The following TRIP12 variants were observed in gnomAD, a reference collection of about 807,000 sequenced individuals.
TRIP12 encodes the protein thyroid hormone receptor interactor 12.
A neutral mutation model predicts 244.2 loss-of-function variants in TRIP12; 25 were observed. The observed-to-expected ratio is 0.10, with a 90% CI of 0.07 to 0.14. The LOEUF (loss-of-function observed/expected upper bound fraction) is 0.14. TRIP12 is among the 10% of genes least tolerant of loss of function. The pLI, the probability that TRIP12 is intolerant of heterozygous loss-of-function variation, is 1.00. For missense variants in TRIP12, 1,677 were observed against 2,486.4 expected (o/e 0.67, Z 6.92); for synonymous variants, 905 against 873.1 (o/e 1.04, Z -0.64).
At chr2:229,837,945 A>T (rs2055268296) in intron 5 of TRIP12, among the ~76,000 whole-genome samples, 1 of 152,206 alleles carries the variant, frequency 6.6e-6, no homozygotes, top group Admixed American at 6.5e-5. Flanking sequence ...CGAAATCAGT[A>T]AGCAAACCAG....
At chr2:229,848,211 G>C (rs1007169030) in intron 4 of TRIP12, among the ~76,000 whole-genome samples, 2 of 151,908 alleles carry the variant, frequency 1.3e-5, no homozygotes, top group Non-Finnish European at 2.9e-5. Context: ...TTAGACTTTT[G>C]GTCTTGAATT....
intron 2 of TRIP12, among the ~76,000 whole-genome samples, chr2:229,878,064 T>C (rs146185906): frequency 3.0e-4 from 46 of 152,344 alleles, no homozygotes; most frequent in African/African-American, 9.1e-4. Context: ...CCAATAATCC[T>C]ATGAAATAGC....
intron 29 of TRIP12, among the ~76,000 whole-genome samples, chr2:229,791,506 C>T (rs957961349): frequency 6.6e-6 from 1 of 152,212 alleles, no homozygotes; most frequent in Non-Finnish European, 1.5e-5. Flanking sequence ...CAGACACTCA[C>T]AGACAATGCA....
At position 229,865,511 on chromosome 2, in the gene TRIP12, C is replaced by T. The variant is rs553660705; in HGVS notation, c.99-4980G>A. ...TATGCATATATATAATATACACACA[C>T]ATTACCACTTATATTTGGTAATATA... On this transcript the variant is annotated intron_variant, in intron 2 of 41. Transcript: ENST00000675903. Among the ~76,000 whole-genome samples, 141 of 151,816 alleles carry T rather than the reference C, an allele frequency of 9.3e-4. 1 individual carries two copies. Among genetic ancestry groups the T allele is most frequent in the Non-Finnish European group, 1.8e-3 (123 of 67,930 alleles).
At chr2:229,809,541 C>T (rs2046744475) in intron 15 of TRIP12, among the ~76,000 whole-genome samples, 2 of 152,122 alleles carry the variant, frequency 1.3e-5, no homozygotes. Flanking sequence ...TGTAACAAAA[C>T]ATACATTAAC....
chr2:229,882,643 T>C (rs1428467116), intron 1 of TRIP12, among the ~76,000 whole-genome samples: 2 of 152,300 alleles, frequency 1.3e-5, no homozygotes, highest in East Asian at 1.9e-4. Flanking sequence ...TACAAGAGAA[T>C]AGGATGATAC....
intron 37 of TRIP12, among the ~76,000 whole-genome samples, 198 bp downstream of exon 37, chr2:229,777,117 G>T (rs1574819644): frequency 6.6e-6 from 1 of 152,214 alleles, no homozygotes; most frequent in Admixed American, 6.5e-5. Context: ...TGCTAATCAA[G>T]ATGTTTATAG....
chr2:229,779,783 G>C (rs1044668118), intron 34 of TRIP12, among the ~76,000 whole-genome samples: 4 of 152,116 alleles, frequency 2.6e-5, no homozygotes, highest in African/African-American at 9.7e-5. Flanking sequence ...TATTAAACAA[G>C]TTCTGAAGGT....
At chr2:229,831,434 C>T (rs377727241) in intron 6 of TRIP12, among the ~76,000 whole-genome samples, 1 of 152,122 alleles carries the variant, frequency 6.6e-6, no homozygotes, top group East Asian at 1.9e-4. Flanking sequence ...CAACACTTTG[C>T]GGACCATGGC....
chr2:229,779,671 T>C (rs2037455148), intron 34 of TRIP12, among the ~76,000 whole-genome samples: 1 of 152,108 alleles, frequency 6.6e-6, no homozygotes. Flanking sequence ...ACTCCCAGGG[T>C]GCACTGGAAT....
chr2:229,846,316 C>G (rs1430886890), intron 4 of TRIP12, among the ~76,000 whole-genome samples: 2 of 152,150 alleles, frequency 1.3e-5, no homozygotes, highest in Non-Finnish European at 2.9e-5. Flanking sequence ...TCACACCAAC[C>G]TTCAGCAACC....
intron 9 of TRIP12, among the ~76,000 whole-genome samples, chr2:229,817,328 G>C (rs2048747965): frequency 6.6e-6 from 1 of 152,110 alleles, no homozygotes; most frequent in African/African-American, 2.4e-5. Context: ...TTGTCTTTTG[G>C]TAGTGTTTGA....
At chr2:229,799,431 A>C in intron 21 of TRIP12, 48 bp from the exon 22 acceptor site, 9 of 1,522,530 alleles carry the variant, frequency 5.9e-6, no homozygotes, top group Non-Finnish European at 7.3e-6. Context: ...CCACTGTTTT[A>C]TATCTTCACT....
chr2:229,867,508 G>C (rs965357249), intron 2 of TRIP12, among the ~76,000 whole-genome samples: 1 of 151,902 alleles, frequency 6.6e-6, no homozygotes, highest in African/African-American at 2.4e-5. Flanking sequence ...ATGAGAAAAA[G>C]GGAGGAAAAC....
chr2:229,813,857 ATG>A lies in TRIP12; in HGVS notation c.1986+11_1986+12del, dbSNP rs1175728915. ...AAACACTTTATGGCACATAAAATAG[ATG>A]CATATTTTACCTGATGTGTTAGCCT... On this transcript the variant is annotated intron_variant, in intron 13 of 41. Transcript: ENST00000675903. The A allele has an allele frequency of 6.8e-7, 1 of 1,472,896 alleles. No individual in the cohort carries two copies. The highest frequency in any genetic ancestry group is 2.3e-5 in the East Asian group (1 of 43,328). The allele number at this position is 1,472,896 out of a possible 1,614,324, so 91.2% of individuals were successfully genotyped here. A position where few individuals can be genotyped will look rare whatever the true frequency, so the allele number is the denominator to read the frequency against.
rs1576774014 is a variant in TRIP12 at position 229,893,226 on chromosome 2, G to T, written c.-49-13098C>A. Reference sequence around the variant, plus strand: ...CTGCCAACTATCCATCCTATTTTTTGATGTATTTCAAAGTAAGTTGCAGGC... The same window carrying T: ...CTGCCAACTATCCATCCTATTTTTTTATGTATTTCAAAGTAAGTTGCAGGC... On this transcript the variant is annotated intron_variant, in intron 1 of 41. Transcript: ENST00000675903. Among the ~76,000 whole-genome samples, 3 of 152,038 alleles carry T rather than the reference G, an allele frequency of 2.0e-5. No individual in the cohort carries two copies. In the East Asian group the frequency reaches 5.8e-4, roughly 29 times the overall value.
chr2:229,767,295 T>C lies in TRIP12; in HGVS notation c.*259A>G. ...TCACACAGCAAAGCATGTTAAAAACTTCACTCATCAAATAAATGATAATTT... is the reference window on the plus strand; with the variant it reads ...TCACACAGCAAAGCATGTTAAAAACCTCACTCATCAAATAAATGATAATTT... On this transcript the variant is annotated 3_prime_UTR_variant, in exon 42 of 42. Transcript: ENST00000675903. 2.8e-6 allele frequency: 1 copy of C among 356,236 alleles called. No individual in the cohort carries two copies. Among genetic ancestry groups the C allele is most frequent in the Non-Finnish European group, 5.0e-6 (1 of 200,598 alleles). 22.1% of individuals were successfully genotyped at this position (356,236 alleles called of 1,614,324 possible).
rs1559338689 is a variant in TRIP12, at chr2:229,778,412, A to G, written c.5364+21T>C. 1.9e-6 allele frequency: 3 copies of G among 1,613,244 alleles called. No individual in the cohort carries two copies. In the African/African-American group the frequency reaches 4.0e-5, roughly 22 times the overall value. On this transcript the variant is annotated intron_variant, in intron 36 of 41. Coordinates refer to ENST00000675903, the MANE Select transcript of TRIP12 (RefSeq NM_001348323.3). This position sits in a 1 kb window ranked among gnomAD's most constrained non-coding sequence, Gnocchi z 4.1. ...AACATTCTACACCAAAACTGCAAAA[A>G]GCAAACCATCCTAAACTTACCAATC...
intron 1 of TRIP12, among the ~76,000 whole-genome samples, chr2:229,919,258 A>G (rs766018989): frequency 5.3e-5 from 8 of 152,106 alleles, no homozygotes; most frequent in Non-Finnish European, 8.8e-5. Context: ...TCTACTAAAA[A>G]TGCAAAAATT....
Sources: gnomAD v4.1 joint callset for allele counts (sites outside exome capture counted in the v4.1 genomes callset) on GRCh38, gnomAD v4.1.1 for gene constraint, Gnocchi (gnomAD v3.1) non-coding constraint, MANE v1.5 for transcripts, NCBI Gene and HGNC (gene_info 2026-07-23, HGNC 2026-07-21) for gene names.